DSCAM: variants seen among roughly 807,000 people sequenced by gnomAD.
The protein encoded by DSCAM is cell adhesion molecule DSCAM.
Under a neutral mutation model 217.7 loss-of-function variants are expected in DSCAM, and 47 were observed. The observed-to-expected ratio is 0.22, with a 90% CI of 0.17 to 0.28. The LOEUF (loss-of-function observed/expected upper bound fraction) is 0.28. Ranked by LOEUF, DSCAM falls within the 10% of genes least tolerant of loss-of-function variation. DSCAM has a pLI of 1.00. For synonymous variants in DSCAM, 1,056 were observed against 1,015.3 expected (o/e 1.04, Z -0.76); for missense variants, 2,080 against 2,618.3 (o/e 0.79, Z 4.49).
chr21:40,458,333 T>C lies in DSCAM; in HGVS notation c.509-89088A>G, dbSNP rs58769239. Among the ~76,000 whole-genome samples, 324 of 152,204 alleles carry C rather than the reference T, an allele frequency of 2.1e-3. 3 individuals carry two copies. Among genetic ancestry groups the C allele is most frequent in the African/African-American group, 7.1e-3 (296 of 41,552 alleles). ...TCAGGATTTATGACCAAGAATTCAC[T>C]CTTGAATTACAAAGGAAACAAAACC... On this transcript the variant is annotated intron_variant, in intron 3 of 32. Coordinates refer to ENST00000400454, the MANE Select transcript of DSCAM (RefSeq NM_001389.5).
intron 3 of DSCAM, among the ~76,000 whole-genome samples, chr21:40,537,648 G>T (rs2076509813): frequency 6.6e-6 from 1 of 152,146 alleles, no homozygotes. Context: ...ATAAATAGGA[G>T]AAATTTGGAC....
At chr21:40,619,985 G>T (rs967705774) in intron 3 of DSCAM, among the ~76,000 whole-genome samples, 1 of 122,012 alleles carries the variant, frequency 8.2e-6, no homozygotes, top group Non-Finnish European at 1.7e-5. Flanking sequence ...AAAAGAAAAA[G>T]AAAGAGAGAG....
intron 3 of DSCAM, among the ~76,000 whole-genome samples, chr21:40,432,221 T>TAAATAAATAAATAAATAA (rs1473127132): frequency 0.024 from 3,576 of 149,770 alleles, 58 homozygotes; most frequent in South Asian, 0.034. Flanking sequence ...AAAATAAATA[T>TAAATAAATAAATAAATAA]ATAAATAAAT....
At chr21:40,461,615 C>T (rs189894488) in intron 3 of DSCAM, among the ~76,000 whole-genome samples, 4 of 152,214 alleles carry the variant, frequency 2.6e-5, no homozygotes, top group South Asian at 2.1e-4. Context: ...CATCCCAATC[C>T]GCAGAACCTG....
intron 11 of DSCAM, among the ~76,000 whole-genome samples, chr21:40,240,534 T>C (rs1454672392): frequency 6.6e-6 from 1 of 152,090 alleles, no homozygotes; most frequent in Non-Finnish European, 1.5e-5. Context: ...ATGTGAGCCT[T>C]TTCTACCTAA....
chr21:40,178,196 C>G (rs186429777), intron 15 of DSCAM, among the ~76,000 whole-genome samples: 2 of 152,118 alleles, frequency 1.3e-5, no homozygotes, highest in Non-Finnish European at 2.9e-5. Context: ...TAATTTCACC[C>G]CCCCGGAAAC....
chr21:40,788,092 T>C (rs565262165), intron 1 of DSCAM, among the ~76,000 whole-genome samples: 1 of 152,330 alleles, frequency 6.6e-6, no homozygotes, highest in Non-Finnish European at 1.5e-5. Flanking sequence ...GCTGTCCACT[T>C]TCCTCGCCCT....
chr21:40,727,966 C>T (rs1048269251), intron 1 of DSCAM, among the ~76,000 whole-genome samples: 3 of 152,156 alleles, frequency 2.0e-5, no homozygotes, highest in Admixed American at 6.5e-5. Flanking sequence ...GCTCTCCCTC[C>T]ACCTGGGATG....
At chr21:40,711,913 C>G (rs1045015456) in intron 1 of DSCAM, among the ~76,000 whole-genome samples, 1 of 152,204 alleles carries the variant, frequency 6.6e-6, no homozygotes, top group Non-Finnish European at 1.5e-5. Context: ...CTCTGAGCAT[C>G]TCCCTTCAGG....
chr21:40,715,910 T>C (rs1183132303), intron 1 of DSCAM, among the ~76,000 whole-genome samples: 1 of 152,202 alleles, frequency 6.6e-6, no homozygotes, highest in African/African-American at 2.4e-5. Flanking sequence ...AGTAGTCTTG[T>C]TAAGAATAGC....
intron 11 of DSCAM, among the ~76,000 whole-genome samples, chr21:40,272,350 A>G (rs1195416027): frequency 6.6e-6 from 1 of 152,002 alleles, no homozygotes; most frequent in African/African-American, 2.4e-5. Context: ...CAGGAACCCC[A>G]ACAGAGCTGG....
chr21:40,282,074 G>A (rs569375060), intron 10 of DSCAM, among the ~76,000 whole-genome samples: 35 of 152,178 alleles, frequency 2.3e-4, no homozygotes, highest in Non-Finnish European at 4.3e-4. Flanking sequence ...TGTGGATATT[G>A]TGTTCATTAG....
chr21:40,111,294 A>C (rs1472920984), intron 20 of DSCAM, among the ~76,000 whole-genome samples: 1 of 152,030 alleles, frequency 6.6e-6, no homozygotes, highest in African/African-American at 2.4e-5. Flanking sequence ...TTCAACCCAG[A>C]ATTTCATATC....
At chr21:40,239,829 T>C (rs1202448049) in intron 11 of DSCAM, among the ~76,000 whole-genome samples, 2 of 152,204 alleles carry the variant, frequency 1.3e-5, no homozygotes, top group Non-Finnish European at 2.9e-5. Context: ...ACAGTAACCC[T>C]GAATGCTTTA....
chr21:40,535,718 C>T (rs894365012), intron 3 of DSCAM, among the ~76,000 whole-genome samples: 46 of 152,136 alleles, frequency 3.0e-4, no homozygotes, highest in African/African-American at 1.0e-3. Context: ...GAATGACAGG[C>T]AGATAAATAC....
intron 1 of DSCAM, among the ~76,000 whole-genome samples, chr21:40,828,125 T>A (rs1405831822): frequency 6.6e-6 from 1 of 152,038 alleles, no homozygotes; most frequent in African/African-American, 2.4e-5. Context: ...AGGGCAGGAC[T>A]GATGCAGTGG....
chr21:40,820,036 G>A (rs1272851867), intron 1 of DSCAM, among the ~76,000 whole-genome samples: 1 of 151,990 alleles, frequency 6.6e-6, no homozygotes, highest in African/African-American at 2.4e-5. Context: ...CCCTGCTTGT[G>A]ACTAAAAAAA....
rs145392612 is a variant in DSCAM, at chr21:40,275,131, C to A, written c.2356+966G>T. 5.9e-3 allele frequency among the ~76,000 whole-genome samples: 901 copies of A among 151,696 alleles called. 13 individuals carry two copies. The highest frequency in any genetic ancestry group is 0.02 in the African/African-American group (847 of 41,326). ...CTTGAGGGAAGGAGCTTGAGACCAG[C>A]CTGGGTAACAAAGTGAGACCCTCAT... On this transcript the variant is annotated intron_variant, in intron 11 of 32. Transcript: ENST00000400454.
At chr21:40,426,043 A>C (rs775852012) in intron 3 of DSCAM, among the ~76,000 whole-genome samples, 5 of 152,190 alleles carry the variant, frequency 3.3e-5, no homozygotes, top group Non-Finnish European at 7.3e-5. Flanking sequence ...TTGATTGTTA[A>C]ATTTGCACCT....
Sources: allele counts gnomAD v4.1 joint callset (sites outside exome capture counted in the v4.1 genomes callset), GRCh38; gene constraint gnomAD v4.1.1; transcripts MANE v1.5; gene names NCBI Gene and HGNC (gene_info 2026-07-23, HGNC 2026-07-21).